ARMC2: variants seen among roughly 807,000 people sequenced by gnomAD.
ARMC2 encodes armadillo repeat-containing protein 2.
A neutral mutation model predicts 90.3 loss-of-function variants in ARMC2; 67 were observed. The observed-to-expected ratio is 0.74, with a 90% confidence interval of 0.61 to 0.91. The LOEUF is 0.91. ARMC2 is among the 40% of genes least tolerant of loss of function. The probability of loss-of-function intolerance (pLI) is 0.00; values close to 1 mark genes in which losing one functional copy is unlikely to be tolerated. For missense variants in ARMC2, 920 were observed against 1,030.9 expected (o/e 0.89, Z 1.47); for synonymous variants, 393 against 393.0 (o/e 1.00, Z 0.00).
chr6:108,968,142 T>G (rs944383675), intron 17 of ARMC2, among the ~76,000 whole-genome samples: 1 of 152,236 alleles, frequency 6.6e-6, no homozygotes, highest in Non-Finnish European at 1.5e-5. Flanking sequence ...GCATGTGGAT[T>G]GGCTAACAAT....
At chr6:109,038,977 AAAAG>A in the ARMC2 span, among the ~76,000 whole-genome samples, 2 of 151,486 alleles carry the variant, frequency 1.3e-5, no homozygotes, top group East Asian at 1.9e-4. Flanking sequence ...AAGGAAAAGA[AAAAG>A]AAGAAGGAGG....
At chr6:109,001,826 A>T in the ARMC2 span, among the ~76,000 whole-genome samples, 6 of 152,176 alleles carry the variant, frequency 3.9e-5, no homozygotes, top group African/African-American at 1.2e-4. Flanking sequence ...AAAACCGCCT[A>T]CTCTCACTCA....
Position 108,928,127 on chromosome 6 carries a change from G to GT in ARMC2, c.1391dup (p.Arg465LysfsTer3). 1.9e-6 allele frequency: 3 copies of GT among 1,613,024 alleles called. No homozygotes were observed. Among genetic ancestry groups the GT allele is most frequent in the Non-Finnish European group, 2.5e-6 (3 of 1,179,540 alleles). On this transcript the variant is annotated frameshift_variant, in exon 11 of 18. Coordinates refer to ENST00000392644, the MANE Select transcript of ARMC2 (RefSeq NM_032131.6). LOFTEE classifies it high-confidence loss of function. ...GAGAAACTTGGTTGATTCATCATTA[G>GT]TAAGAAGTAAGTTCCTAAACATCAG...
At chr6:108,855,121 TTATC>T (rs1163710668) in intron 2 of ARMC2, among the ~76,000 whole-genome samples, 7 of 152,234 alleles carry the variant, frequency 4.6e-5, no homozygotes, top group South Asian at 2.1e-4. Flanking sequence ...GTACCACAGT[TTATC>T]TATCCATTCA....
intron 12 of ARMC2, among the ~76,000 whole-genome samples, chr6:108,946,897 G>A (rs1280338722): frequency 6.6e-6 from 1 of 152,220 alleles, no homozygotes; most frequent in Non-Finnish European, 1.5e-5. Flanking sequence ...GGGTGTGGGA[G>A]TCGGGGAGGA....
chr6:109,012,328 T>C, the ARMC2 span, among the ~76,000 whole-genome samples: 3 of 152,016 alleles, frequency 2.0e-5, no homozygotes, highest in East Asian at 5.8e-4. Flanking sequence ...GGAAGAATCC[T>C]GACATTTAAT....
chr6:108,962,098 A>T lies in ARMC2; in HGVS notation c.2123A>T (p.Asp708Val), dbSNP rs1583221571. 3 of 1,611,856 alleles carry T rather than the reference A, an allele frequency of 1.9e-6. No individual in the cohort carries two copies. Among genetic ancestry groups the T allele is most frequent in the African/African-American group, 1.3e-5 (1 of 75,028 alleles). ...RVFGNLSQDH[D>V]VCDFIVQNNV... ...TTCGGAAATCTCTCCCAGGACCATG[A>T]TGTCTGCGATTTCATTGTGCAGAAC... The change falls in exon 15 of 18, where the codon GAT becomes GTT. Residue 708 changes from aspartate to valine, a missense_variant. Coordinates refer to ENST00000392644, the MANE Select transcript of ARMC2 (RefSeq NM_032131.6).
At chr6:108,973,085 G>T (rs1778868960) in intron 17 of ARMC2, among the ~76,000 whole-genome samples, 1 of 152,148 alleles carries the variant, frequency 6.6e-6, no homozygotes, top group Non-Finnish European at 1.5e-5. Flanking sequence ...TTGGCACTTG[G>T]GGAGGCCAAG....
At chr6:108,886,955 C>T (rs909363814) in intron 5 of ARMC2, among the ~76,000 whole-genome samples, 1 of 150,914 alleles carries the variant, frequency 6.6e-6, no homozygotes, top group Admixed American at 6.6e-5. Context: ...GGCTAGAGTG[C>T]AGTGGTGTGT....
chr6:108,907,044 T>C (rs1334948888), intron 8 of ARMC2, among the ~76,000 whole-genome samples: 1 of 152,216 alleles, frequency 6.6e-6, no homozygotes, highest in Non-Finnish European at 1.5e-5. Context: ...CGGTTAACAA[T>C]GGAGAAGCGG....
At chr6:109,050,917 G>A in the ARMC2 span, among the ~76,000 whole-genome samples, 15,289 of 152,182 alleles carry the variant, frequency 0.1, 942 homozygotes, top group South Asian at 0.2. Flanking sequence ...TAGGTAGGGG[G>A]AATGTGGTCC....
intron 4 of ARMC2, among the ~76,000 whole-genome samples, chr6:108,873,686 T>TGAAGCTGGCTTTCACTCCAGA (rs1171143792): frequency 2.0e-5 from 3 of 152,224 alleles, no homozygotes. Flanking sequence ...AATACACACT[T>TGAAGCTGGCTTTCACTCCAGA]GAAGCTGGCT....
chr6:108,967,776 C>T (rs113342466), intron 17 of ARMC2, among the ~76,000 whole-genome samples: 494 of 152,206 alleles, frequency 3.2e-3, no homozygotes, highest in African/African-American at 9.4e-3. Flanking sequence ...ATACGTGGCC[C>T]GTGGATGCGA....
chr6:108,989,356 A>G, the ARMC2 span, among the ~76,000 whole-genome samples: 2 of 151,946 alleles, frequency 1.3e-5, no homozygotes, highest in Non-Finnish European at 2.9e-5. Context: ...AAACAAATTA[A>G]TTACATTTGT....
intron 5 of ARMC2, among the ~76,000 whole-genome samples, chr6:108,886,818 C>T (rs1273906170): frequency 6.6e-6 from 1 of 152,002 alleles, no homozygotes; most frequent in Non-Finnish European, 1.5e-5. Flanking sequence ...TGACCTCTGA[C>T]TAAAGAACCT....
At chr6:109,021,410 T>C in the ARMC2 span, among the ~76,000 whole-genome samples, 1 of 152,190 alleles carries the variant, frequency 6.6e-6, no homozygotes, top group African/African-American at 2.4e-5. Context: ...GGGGAAAAGT[T>C]TGGAGACTAG....
the ARMC2 span, chr6:108,994,411 A>C: frequency 6.8e-7 from 1 of 1,474,940 alleles, no homozygotes; most frequent in Non-Finnish European, 9.3e-7. Flanking sequence ...TTCTCTAAAT[A>C]AAAAGTTGAG....
the ARMC2 span, among the ~76,000 whole-genome samples, chr6:109,023,362 A>G: frequency 6.6e-6 from 1 of 152,226 alleles, no homozygotes; most frequent in Non-Finnish European, 1.5e-5. Flanking sequence ...AAGTTTGTAA[A>G]TGTTATCATG....
At chr6:108,958,327 C>T (rs1025294940) in intron 13 of ARMC2, among the ~76,000 whole-genome samples, 1 of 152,098 alleles carries the variant, frequency 6.6e-6, no homozygotes, top group African/African-American at 2.4e-5. Flanking sequence ...GACAGATGCA[C>T]CTTTCGAGAA....
Sources: gnomAD v4.1 joint callset for allele counts (sites outside exome capture counted in the v4.1 genomes callset) on GRCh38, gnomAD v4.1.1 for gene constraint, MANE v1.5 for transcripts, NCBI Gene and HGNC (gene_info 2026-07-23, HGNC 2026-07-21) for gene names.